Variants in VWA3B observed in about 807,000 individuals in gnomAD.
The protein encoded by VWA3B is von Willebrand factor A domain containing 3B.
A neutral mutation model predicts 158.3 loss-of-function variants in VWA3B; 138 were observed. That is an observed-to-expected ratio of 0.87 (90% CI 0.76 to 1.00). VWA3B has a LOEUF of 1.00. Among genes scored for constraint, VWA3B ranks in the 50% least tolerant of loss-of-function variants. The pLI is 0.00. For missense variants in VWA3B, 1,555 were observed against 1,565.1 expected, an observed-to-expected ratio of 0.99 and a Z score of 0.11; for synonymous variants, 596 against 587.3, an observed-to-expected ratio of 1.01 and a Z score of -0.21.
At chr2:98,325,102 C>T in the VWA3B span, among the ~76,000 whole-genome samples, 6 of 151,972 alleles carry the variant, frequency 3.9e-5, no homozygotes, top group Middle Eastern at 3.2e-3. Flanking sequence ...AGAGAGATAA[C>T]GGGGAAAAAT....
At chr2:98,139,099 A>AGCCG (rs1196222868) in intron 7 of VWA3B, among the ~76,000 whole-genome samples, 7 of 152,172 alleles carry the variant, frequency 4.6e-5, no homozygotes, top group Non-Finnish European at 7.4e-5. Flanking sequence ...CACTCGGAGC[A>AGCCG]GCCGGCCGGC....
chr2:98,115,529 T>A, intron 2 of VWA3B, 123 bp from the exon 3 acceptor site: 2 of 703,732 alleles, frequency 2.8e-6, no homozygotes, highest in Middle Eastern at 3.7e-4. Flanking sequence ...ATAGAAAGCA[T>A]CACAAATTAT....
intron 19 of VWA3B, among the ~76,000 whole-genome samples, chr2:98,246,782 T>C (rs994506129): frequency 2.0e-5 from 3 of 152,174 alleles, no homozygotes; most frequent in African/African-American, 7.2e-5. Context: ...TGAAACTTAC[T>C]ATTTGTTTTA....
intron 8 of VWA3B, among the ~76,000 whole-genome samples, chr2:98,180,716 T>C (rs1256754251): frequency 2.0e-5 from 3 of 152,240 alleles, no homozygotes; most frequent in African/African-American, 7.2e-5. Flanking sequence ...AGCCTTGGTC[T>C]ACTGGTCACC....
At chr2:98,215,311 T>G (rs958358567) in intron 13 of VWA3B, among the ~76,000 whole-genome samples, 2 of 150,558 alleles carry the variant, frequency 1.3e-5, no homozygotes, top group East Asian at 2.0e-4. Context: ...CCTGGTGGCG[T>G]GCGCCTGTAG....
intron 2 of VWA3B, among the ~76,000 whole-genome samples, chr2:98,108,726 T>C (rs1009379387): frequency 3.3e-5 from 5 of 152,092 alleles, no homozygotes; most frequent in African/African-American, 1.2e-4. Flanking sequence ...TTAACTTATA[T>C]ATATAATTAT....
At chr2:98,174,091 C>G (rs1371204171) in intron 8 of VWA3B, among the ~76,000 whole-genome samples, 2 of 152,142 alleles carry the variant, frequency 1.3e-5, no homozygotes, top group Admixed American at 1.3e-4. Context: ...GAGTTAAGGA[C>G]CTTCAAAACT....
intron 22 of VWA3B, among the ~76,000 whole-genome samples, chr2:98,280,290 T>C (rs1688794527): frequency 6.6e-6 from 1 of 152,162 alleles, no homozygotes; most frequent in African/African-American, 2.4e-5. Flanking sequence ...GATTTTTTTG[T>C]TTTTCTGTTT....
rs1244021721 is a variant in VWA3B at position 98,093,128 on chromosome 2, G to A, written c.36G>A (p.Glu12=). The change falls in exon 2 of 28, where the codon GAG becomes GAA. Residue 12 remains glutamate (E), a synonymous_variant. Coordinates refer to ENST00000477737, the MANE Select transcript of VWA3B (RefSeq NM_144992.5). Reference sequence around the variant, plus strand: ...CAGGCCCATCTTCTACCATCTCTGAGCAGCAGCTGCAGAGGCAAGAGGGAT... The same window carrying A: ...CAGGCCCATCTTCTACCATCTCTGAACAGCAGCTGCAGAGGCAAGAGGGAT... ...EKSGPSSTIS[E]QQLQRQEGWI... 1 of 1,613,976 alleles carries A rather than the reference G, an allele frequency of 6.2e-7. No individual in the cohort carries two copies. Among genetic ancestry groups the A allele is most frequent in the East Asian group, 2.2e-5 (1 of 44,862 alleles).
intron 12 of VWA3B, among the ~76,000 whole-genome samples, chr2:98,209,227 T>A (rs1036473633): frequency 2.6e-5 from 4 of 152,218 alleles, no homozygotes; most frequent in African/African-American, 9.7e-5. Flanking sequence ...TGGGATTTGC[T>A]TAGCTTCTTG....
At chr2:98,117,974 T>G (rs1674659824) in intron 3 of VWA3B, among the ~76,000 whole-genome samples, 1 of 152,100 alleles carries the variant, frequency 6.6e-6, no homozygotes, top group African/African-American at 2.4e-5. Flanking sequence ...TGACCTCGGG[T>G]GATTCACTCA....
intron 9 of VWA3B, among the ~76,000 whole-genome samples, chr2:98,183,058 A>T (rs1680724895): frequency 6.6e-6 from 1 of 152,192 alleles, no homozygotes; most frequent in Non-Finnish European, 1.5e-5. Context: ...ATTCTTGTCA[A>T]TTTTAAATGA....
At position 98,263,733 on chromosome 2, in the gene VWA3B, T is replaced by C. The variant is rs558118514; in HGVS notation, c.2844-6949T>C. ...GTAGTATCTCTGTCTGGTTATGATA[T>C]CAGCGTAATTTCTGTCTCATAAAAT... On this transcript the variant is annotated intron_variant, in intron 21 of 27. Coordinates refer to ENST00000477737, the MANE Select transcript of VWA3B (RefSeq NM_144992.5). 1.2e-4 allele frequency among the ~76,000 whole-genome samples: 19 copies of C among 152,162 alleles called. No individual in the cohort carries two copies. In the South Asian group the frequency reaches 1.7e-3, roughly 13 times the overall value.
In VWA3B at chr2:98,150,091, C is replaced by T. The variant is rs1386624351; in HGVS notation, c.989-12760C>T. Among the ~76,000 whole-genome samples, 5 of 152,312 alleles carry T rather than the reference C, an allele frequency of 3.3e-5. No individual in the cohort carries two copies. In the East Asian group the frequency reaches 9.6e-4, roughly 29 times the overall value. On this transcript the variant is annotated intron_variant, in intron 7 of 27. Coordinates refer to ENST00000477737, the MANE Select transcript of VWA3B (RefSeq NM_144992.5). The stretch of plus-strand genomic sequence containing the variant: ...CATATTTTAGGATAGTTCCTTATAT[C>T]AATGCTTCTTCTGAGGAAAACAAAA...
In VWA3B at chr2:98,300,212, G is replaced by A. The variant is rs201844623; in HGVS notation, c.3416G>A (p.Arg1139Gln). The change falls in exon 25 of 28, where the codon CGG (arginine) becomes CAG (glutamine). Residue 1139 changes from arginine (R) to glutamine (Q), a missense_variant. By Grantham distance (43) the Arg-to-Gln change is conservative. Transcript: ENST00000477737. ...TACACAGTTTTGAAGTGTAACAACCGGAGAGTAAGTAGATTTTCATTTAGA... is the reference window on the plus strand; with the variant it reads ...TACACAGTTTTGAAGTGTAACAACCAGAGAGTAAGTAGATTTTCATTTAGA... Reference protein sequence around the residue: ...KFYTVLKCNNRREFCPRSALI... With the variant: ...KFYTVLKCNNQREFCPRSALI... 6.2e-5 allele frequency: 100 copies of A among 1,613,940 alleles called. No homozygotes were observed. The highest frequency in any genetic ancestry group is 2.7e-4 in the East Asian group (12 of 44,884).
chr2:98,270,572 C>A (rs1688136736), intron 21 of VWA3B, 110 bp from the exon 22 acceptor site: 2 of 1,132,454 alleles, frequency 1.8e-6, no homozygotes. Context: ...ACAGATGTTT[C>A]TCAGGGGAGA....
intron 22 of VWA3B, among the ~76,000 whole-genome samples, chr2:98,282,671 T>C (rs1197182156): frequency 6.6e-6 from 1 of 152,104 alleles, no homozygotes; most frequent in Non-Finnish European, 1.5e-5. Flanking sequence ...ACTCCTGGCC[T>C]CAAGGGATTC....
chr2:98,242,370 AG>A, intron 19 of VWA3B: 1 of 453,428 alleles, frequency 2.2e-6, no homozygotes, highest in Admixed American at 2.4e-5. Flanking sequence ...ATTTTATCTT[AG>A]CTCTTTCAAA....
At chr2:98,138,655 AT>A (rs907085108) in intron 7 of VWA3B, among the ~76,000 whole-genome samples, 3 of 152,212 alleles carry the variant, frequency 2.0e-5, no homozygotes, top group African/African-American at 7.2e-5. Context: ...GAAAGGAATA[AT>A]TACTCACCTG....
Sources: gnomAD v4.1 joint callset for allele counts (sites outside exome capture counted in the v4.1 genomes callset) on GRCh38, gnomAD v4.1.1 for gene constraint, MANE v1.5 for transcripts, NCBI Gene and HGNC (gene_info 2026-07-23, HGNC 2026-07-21) for gene names.